The following SLIT3 variants were observed in gnomAD, a reference collection of about 807,000 sequenced individuals.
The protein encoded by SLIT3 is slit guidance ligand 3, also known as slit homolog 3 protein.
In SLIT3, 68 loss-of-function variants were observed where a neutral mutation model predicts 184.0. The ratio of observed to expected loss-of-function variants is 0.37; its 90% CI spans 0.30 to 0.45. The LOEUF is 0.45. Ranked by LOEUF, SLIT3 falls within the 20% of genes least tolerant of loss-of-function variation. The pLI is 1.00. For synonymous variants in SLIT3, 831 were observed against 828.6 expected, an observed-to-expected ratio of 1.00 and a Z score of -0.05; for missense variants, 1,707 against 2,026.0, an observed-to-expected ratio of 0.84 and a Z score of 3.02.
At chr5:169,144,908 C>T in intron 4 of SLIT3, among the ~76,000 whole-genome samples, 1 of 152,214 alleles carries the variant, frequency 6.6e-6, no homozygotes, top group East Asian at 1.9e-4. Context: ...CATGCTCCTT[C>T]CCTCCCACCT....
At chr5:169,212,247 G>A (rs1330967683) in intron 3 of SLIT3, among the ~76,000 whole-genome samples, 1 of 152,178 alleles carries the variant, frequency 6.6e-6, no homozygotes, top group Non-Finnish European at 1.5e-5. Flanking sequence ...AACAGTGTAA[G>A]TGTTCTTATT....
chr5:168,738,593 T>C (rs1041204122), intron 20 of SLIT3, among the ~76,000 whole-genome samples: 1 of 152,168 alleles, frequency 6.6e-6, no homozygotes, highest in Non-Finnish European at 1.5e-5. Context: ...GACATGGCTA[T>C]TTAGTAGATA....
chr5:169,169,038 G>T (rs561401794), intron 4 of SLIT3, among the ~76,000 whole-genome samples: 514 of 37,840 alleles, frequency 0.014, 3 homozygotes, highest in African/African-American at 0.027. Context: ...AGCCCAGAGT[G>T]GGGGGGGGAT....
chr5:169,170,972 A>G (rs1388173671), intron 4 of SLIT3, among the ~76,000 whole-genome samples: 2 of 152,216 alleles, frequency 1.3e-5, no homozygotes, highest in Non-Finnish European at 2.9e-5. Context: ...GTAGTTGGGG[A>G]AGAAAAGGCA....
At chr5:169,072,907 G>T (rs1262586128) in intron 4 of SLIT3, among the ~76,000 whole-genome samples, 1 of 152,158 alleles carries the variant, frequency 6.6e-6, no homozygotes, top group Non-Finnish European at 1.5e-5. Flanking sequence ...TGCTGTAAAG[G>T]TTGCCCGCCA....
At chr5:169,298,176 G>A (rs1463330509) in intron 1 of SLIT3, among the ~76,000 whole-genome samples, 3 of 152,024 alleles carry the variant, frequency 2.0e-5, no homozygotes, top group East Asian at 1.9e-4. Flanking sequence ...AGATACCATC[G>A]CGGCACCCCC....
intron 5 of SLIT3, among the ~76,000 whole-genome samples, chr5:168,849,725 A>T (rs1303700176): frequency 1.3e-5 from 2 of 152,248 alleles, no homozygotes; most frequent in Non-Finnish European, 2.9e-5. Context: ...CACCTAAACT[A>T]TAATAATTTG....
chr5:168,955,894 G>A lies in SLIT3; in HGVS notation c.414-72558C>T, dbSNP rs575315260. On this transcript the variant is annotated intron_variant, in intron 4 of 35. Coordinates refer to ENST00000519560, the MANE Select transcript of SLIT3 (RefSeq NM_003062.4). ...CCAGAGTATCTCCATTAGGAGCTACGACTTCAGGCTCAGGGATGCCATGCC... is the reference window on the plus strand; with the variant it reads ...CCAGAGTATCTCCATTAGGAGCTACAACTTCAGGCTCAGGGATGCCATGCC... Among the ~76,000 whole-genome samples the A allele has an allele frequency of 5.9e-5, 9 of 152,212 alleles. No homozygotes were observed. In the South Asian group the frequency reaches 8.3e-4, roughly 14 times the overall value.
intron 4 of SLIT3, among the ~76,000 whole-genome samples, chr5:168,971,488 T>G (rs1754574605): frequency 6.6e-6 from 1 of 152,182 alleles, no homozygotes; most frequent in African/African-American, 2.4e-5. Context: ...ACATCTGATT[T>G]TTTTCTTTTC....
chr5:169,231,374 C>A (rs1764997162), intron 3 of SLIT3, among the ~76,000 whole-genome samples: 1 of 152,166 alleles, frequency 6.6e-6, no homozygotes, highest in Non-Finnish European at 1.5e-5. Flanking sequence ...ATTCGCAACT[C>A]CCCATTGCTT....
At chr5:168,844,451 G>A (rs1222811314) in intron 6 of SLIT3, 133 bp downstream of exon 6, 1 of 794,132 alleles carries the variant, frequency 1.3e-6, no homozygotes, top group Admixed American at 2.1e-5. Flanking sequence ...TAATAGCACT[G>A]CAGCAGAGAC....
intron 29 of SLIT3, among the ~76,000 whole-genome samples, chr5:168,689,165 G>A (rs187392558): frequency 2.0e-5 from 3 of 152,270 alleles, no homozygotes; most frequent in Non-Finnish European, 2.9e-5. Flanking sequence ...TGGGGCCTGG[G>A]AACTAGCATT....
At chr5:169,263,592 T>G in intron 1 of SLIT3, 1 of 478,486 alleles carries the variant, frequency 2.1e-6, no homozygotes, top group Non-Finnish European at 4.2e-6. Flanking sequence ...GCACCCAGTT[T>G]GTGGTACATT....
At chr5:168,688,754 A>AGGGGCATGT (rs1179924598) in intron 29 of SLIT3, among the ~76,000 whole-genome samples, 2 of 152,236 alleles carry the variant, frequency 1.3e-5, no homozygotes, top group Non-Finnish European at 2.9e-5. Flanking sequence ...AATGCCTTTG[A>AGGGGCATGT]GGGGCATGTG....
At position 168,668,040 on chromosome 5, in the gene SLIT3, G is replaced by T. The variant is rs1761111171; in HGVS notation, c.4337-1351C>A. On this transcript the variant is annotated intron_variant, in intron 35 of 35. Transcript: ENST00000519560. ...GTTTTGGTTAAGAATAGTATTTCGTGTAGGTATAAAATGTGGAAAAGTCCT... is the reference window on the plus strand; with the variant it reads ...GTTTTGGTTAAGAATAGTATTTCGTTTAGGTATAAAATGTGGAAAAGTCCT... Among the ~76,000 whole-genome samples, 3 of 152,292 alleles carry T rather than the reference G, an allele frequency of 2.0e-5. No homozygotes were observed. In the South Asian group the frequency reaches 6.2e-4, roughly 32 times the overall value.
chr5:168,898,660 T>G (rs903901868), intron 4 of SLIT3, among the ~76,000 whole-genome samples: 11 of 152,212 alleles, frequency 7.2e-5, no homozygotes, highest in African/African-American at 2.7e-4. Context: ...TGTAGCCAGT[T>G]TTTTTCTTCC....
rs1437684989 is a variant in SLIT3, at chr5:168,772,125, G to A, written c.1459+656C>T. 3 of 152,378 alleles carry A rather than the reference G, an allele frequency of 2.0e-5. No individual in the cohort carries two copies. In the East Asian group the frequency reaches 5.8e-4, roughly 29 times the overall value. The allele number at this position is 152,378 out of a possible 1,614,324, so 9.4% of individuals were successfully genotyped here. A position where few individuals can be genotyped will look rare whatever the true frequency, so the allele number is the denominator to read the frequency against. On this transcript the variant is annotated intron_variant, in intron 14 of 35. Coordinates refer to ENST00000519560, the MANE Select transcript of SLIT3 (RefSeq NM_003062.4). ...TGCTGTTTTCCCCCATGTCCTTCCTGGGTGCAGTGAGAAGGAAGCTTTCTA... is the reference window on the plus strand; with the variant it reads ...TGCTGTTTTCCCCCATGTCCTTCCTAGGTGCAGTGAGAAGGAAGCTTTCTA...
intron 4 of SLIT3, among the ~76,000 whole-genome samples, chr5:169,167,565 C>T (rs1376487987): frequency 2.0e-5 from 3 of 152,038 alleles, no homozygotes; most frequent in South Asian, 2.1e-4. Context: ...CTTGAGCCAC[C>T]GCGCCCGGCC....
At chr5:169,172,446 A>G (rs951434913) in intron 4 of SLIT3, among the ~76,000 whole-genome samples, 3 of 152,242 alleles carry the variant, frequency 2.0e-5, no homozygotes, top group Non-Finnish European at 2.9e-5. Flanking sequence ...AGCTGCGTAT[A>G]TACTTTCACA....
Sources: gnomAD v4.1 joint callset for allele counts (sites outside exome capture counted in the v4.1 genomes callset) on GRCh38, gnomAD v4.1.1 for gene constraint, MANE v1.5 for transcripts, NCBI Gene and HGNC (gene_info 2026-07-23, HGNC 2026-07-21) for gene names.